The following KLHL29 variants were observed in gnomAD, a reference collection of about 807,000 sequenced individuals.
The protein encoded by KLHL29 is kelch like family member 29.
KLHL29 carries 21 observed loss-of-function variants against 80.4 expected under a neutral mutation model. That is an observed-to-expected ratio of 0.26 (90% CI 0.19 to 0.38). The LOEUF is 0.38. Ranked by LOEUF, KLHL29 falls within the 10% of genes least tolerant of loss-of-function variation. The probability of loss-of-function intolerance (pLI) is 1.00; values close to 1 mark genes in which losing one functional copy is unlikely to be tolerated. For missense variants in KLHL29, 867 were observed against 1,223.9 expected, an observed-to-expected ratio of 0.71 and a Z score of 4.35; for synonymous variants, 511 against 526.8, an observed-to-expected ratio of 0.97 and a Z score of 0.41.
At chr2:23,393,446 C>A (rs184566284) in intron 1 of KLHL29, among the ~76,000 whole-genome samples, 17 of 152,322 alleles carry the variant, frequency 1.1e-4, no homozygotes, top group African/African-American at 4.1e-4. Flanking sequence ...TCTGGCGCTT[C>A]TGAGCATCCG....
intron 2 of KLHL29, among the ~76,000 whole-genome samples, chr2:23,559,564 G>A (rs1329465383): frequency 6.6e-6 from 1 of 152,162 alleles, no homozygotes; most frequent in Non-Finnish European, 1.5e-5. Context: ...AGACCTGGCT[G>A]TCGAACAGGG....
intron 2 of KLHL29, chr2:23,507,135 T>C (rs1455562711): frequency 4.5e-6 from 2 of 439,806 alleles, no homozygotes; most frequent in Non-Finnish European, 9.8e-6. Flanking sequence ...CCTGCACGGG[T>C]GTGCCCAGCT....
intron 1 of KLHL29, among the ~76,000 whole-genome samples, chr2:23,424,580 G>T (rs1045857521): frequency 2.6e-5 from 4 of 152,162 alleles, no homozygotes; most frequent in African/African-American, 9.7e-5. Flanking sequence ...CCTCAAGGTT[G>T]TTTTTACCAG....
intron 1 of KLHL29, among the ~76,000 whole-genome samples, chr2:23,446,734 C>T (rs1336814620): frequency 6.6e-6 from 1 of 152,164 alleles, no homozygotes; most frequent in African/African-American, 2.4e-5. Flanking sequence ...TTTATTTTTC[C>T]TCTTTTTACC....
intron 3 of KLHL29, among the ~76,000 whole-genome samples, chr2:23,612,444 A>AT (rs1288679981): frequency 6.6e-6 from 1 of 152,204 alleles, no homozygotes; most frequent in Non-Finnish European, 1.5e-5. Context: ...CAGTGAAATA[A>AT]TTTGTCACCA....
At chr2:23,506,498 A>C (rs535568972) in intron 2 of KLHL29, among the ~76,000 whole-genome samples, 25 of 152,100 alleles carry the variant, frequency 1.6e-4, no homozygotes, top group Non-Finnish European at 3.5e-4. Flanking sequence ...GTCTTTTATT[A>C]ATTGTTGTTA....
intron 1 of KLHL29, among the ~76,000 whole-genome samples, chr2:23,397,022 A>G (rs1666469128): frequency 1.3e-5 from 2 of 152,212 alleles, no homozygotes; most frequent in Non-Finnish European, 1.5e-5. Flanking sequence ...GGTGTCTGAC[A>G]AGGTCTGCTC....
In KLHL29 at chr2:23,503,537, G is replaced by T. The variant is rs1228247992; in HGVS notation, c.-46+27870G>T. On this transcript the variant is annotated intron_variant, in intron 2 of 13. Coordinates refer to ENST00000486442, the MANE Select transcript of KLHL29 (RefSeq NM_052920.2). This position sits in a 1 kb window ranked among gnomAD's most constrained non-coding sequence, Gnocchi z 4.0. ...CTAGGGATGGCTCCTGGTTCACGCA[G>T]GCTCCTCATAGGGTCCCTGCCGCTA... Among the ~76,000 whole-genome samples the T allele has an allele frequency of 1.3e-5, 2 of 152,058 alleles. No individual in the cohort carries two copies. Among genetic ancestry groups the T allele is most frequent in the South Asian group, 2.1e-4 (1 of 4,808 alleles).
At chr2:23,634,324 G>A (rs952446503) in intron 3 of KLHL29, among the ~76,000 whole-genome samples, 2 of 152,186 alleles carry the variant, frequency 1.3e-5, no homozygotes, top group African/African-American at 4.8e-5. Context: ...GTGCACCCCG[G>A]AAGTGGACTC....
chr2:23,560,777 G>C (rs922989053), intron 2 of KLHL29, among the ~76,000 whole-genome samples: 4 of 152,206 alleles, frequency 2.6e-5, no homozygotes, highest in African/African-American at 9.7e-5. Context: ...GCACAGGCCA[G>C]CATGCAAGTA....
chr2:23,622,965 T>C lies in KLHL29; in HGVS notation c.286-16174T>C, dbSNP rs906170387. ...TTGGATTTGAACCAGGCAGCTGGGC[T>C]CCAGAGTCCTACTCCTACCCACTCC... On this transcript the variant is annotated intron_variant, in intron 3 of 13. Transcript: ENST00000486442. Among the ~76,000 whole-genome samples, 6 of 152,306 alleles carry C rather than the reference T, an allele frequency of 3.9e-5. No individual in the cohort carries two copies. In the East Asian group the frequency reaches 7.7e-4, roughly 20 times the overall value.
At chr2:23,422,211 T>C (rs1662835977) in intron 1 of KLHL29, among the ~76,000 whole-genome samples, 1 of 151,634 alleles carries the variant, frequency 6.6e-6, no homozygotes, top group South Asian at 2.1e-4. Context: ...TGCCAGTGTG[T>C]CTATGTCTGT....
intron 5 of KLHL29, chr2:23,668,215 T>C (rs1239048762): frequency 1.3e-5 from 2 of 152,214 alleles, no homozygotes; most frequent in Admixed American, 6.5e-5. Flanking sequence ...AAGACCCAGC[T>C]CAGTGCCGTC....
intron 2 of KLHL29, among the ~76,000 whole-genome samples, chr2:23,558,809 T>C (rs1289203455): frequency 6.6e-6 from 1 of 152,270 alleles, no homozygotes; most frequent in Non-Finnish European, 1.5e-5. Flanking sequence ...AATGTGTTTG[T>C]CCTCTCTGGA....
At chr2:23,548,374 G>GACACACAGGCACACACAC in intron 2 of KLHL29, among the ~76,000 whole-genome samples, 1 of 150,772 alleles carries the variant, frequency 6.6e-6, no homozygotes, top group East Asian at 2.0e-4. Flanking sequence ...GGCACACACA[G>GACACACAGGCACACACAC]ACACACAGAC....
At chr2:23,436,627 G>T (rs745800873) in intron 1 of KLHL29, among the ~76,000 whole-genome samples, 16 of 152,208 alleles carry the variant, frequency 1.1e-4, no homozygotes, top group South Asian at 2.1e-4. Context: ...GCTGCGAAGC[G>T]GGAAGAGGAG....
At chr2:23,600,702 A>G (rs1265738087) in intron 3 of KLHL29, among the ~76,000 whole-genome samples, 1 of 152,176 alleles carries the variant, frequency 6.6e-6, no homozygotes, top group Non-Finnish European at 1.5e-5. Flanking sequence ...AGGGGAGACT[A>G]TGCCAGAAGG....
intron 1 of KLHL29, among the ~76,000 whole-genome samples, chr2:23,444,275 AT>A (rs376273488): frequency 2.0e-5 from 3 of 152,008 alleles, no homozygotes; most frequent in Non-Finnish European, 2.9e-5. Flanking sequence ...AGAACTCAAG[AT>A]TTTTTTCCTT....
chr2:23,574,613 A>G (rs1667798122), intron 3 of KLHL29, among the ~76,000 whole-genome samples: 1 of 152,210 alleles, frequency 6.6e-6, no homozygotes, highest in South Asian at 2.1e-4. Flanking sequence ...AAAGCTTTGG[A>G]AATAGTGGTG....
Sources: allele counts gnomAD v4.1 joint callset (sites outside exome capture counted in the v4.1 genomes callset), GRCh38; gene constraint gnomAD v4.1.1; non-coding constraint Gnocchi (gnomAD v3.1); transcripts MANE v1.5; gene names NCBI Gene and HGNC (gene_info 2026-07-23, HGNC 2026-07-21).